ATP6V1H: variants seen among roughly 807,000 people sequenced by gnomAD.
ATP6V1H encodes V-type proton ATPase subunit H.
ATP6V1H carries 39 observed loss-of-function variants against 71.7 expected under a neutral mutation model. That is an observed-to-expected ratio of 0.54 (90% CI 0.42 to 0.71). The LOEUF is 0.71. Among genes scored for constraint, ATP6V1H ranks in the 30% least tolerant of loss-of-function variants. The pLI, the probability that ATP6V1H is intolerant of heterozygous loss-of-function variation, is 0.00. For synonymous variants in ATP6V1H, 192 were observed against 199.3 expected (o/e 0.96, Z 0.31); for missense variants, 509 against 594.9 (o/e 0.86, Z 1.50).
chr8:53,742,081 G>A (rs899606609), intron 13 of ATP6V1H, among the ~76,000 whole-genome samples: 9 of 151,470 alleles, frequency 5.9e-5, no homozygotes, highest in Non-Finnish European at 8.8e-5. Flanking sequence ...TCTTACAGGA[G>A]TCAAATTATA....
chr8:53,757,386 G>C (rs546627138), intron 11 of ATP6V1H, among the ~76,000 whole-genome samples: 1 of 152,276 alleles, frequency 6.6e-6, no homozygotes, highest in South Asian at 2.1e-4. Context: ...GAGTGAAAGG[G>C]GAGGGAGATG....
chr8:53,792,634 T>A (rs1378028081), intron 9 of ATP6V1H, among the ~76,000 whole-genome samples: 4 of 152,146 alleles, frequency 2.6e-5, no homozygotes, highest in Non-Finnish European at 5.9e-5. Context: ...AGCAGGGTGG[T>A]TAAGAGGACA....
In ATP6V1H at chr8:53,715,705, T is replaced by C; in HGVS notation, c.*259A>G. 1 of 352,372 alleles carries C rather than the reference T, an allele frequency of 2.8e-6. No homozygotes were observed. Among genetic ancestry groups the C allele is most frequent in the East Asian group, 4.3e-5 (1 of 23,382 alleles). The allele number at this position is 352,372 out of a possible 1,614,324, so 21.8% of individuals were successfully genotyped here. The stretch of plus-strand genomic sequence containing the variant: ...GAATCCTTTAATAACTATATTTATT[T>C]CCAGAGAACAATAAATACAGAAATT... On this transcript the variant is annotated 3_prime_UTR_variant, in exon 14 of 14. Transcript: ENST00000359530.
chr8:53,828,623 C>T (rs1223305153), intron 4 of ATP6V1H, among the ~76,000 whole-genome samples: 1 of 152,140 alleles, frequency 6.6e-6, no homozygotes, highest in Non-Finnish European at 1.5e-5. Flanking sequence ...TCCTTCCTCA[C>T]ATTATAAAAT....
At chr8:53,750,655 G>C (rs189982814) in intron 12 of ATP6V1H, among the ~76,000 whole-genome samples, 47 of 152,246 alleles carry the variant, frequency 3.1e-4, no homozygotes, top group African/African-American at 1.1e-3. Context: ...AAAGGTTACT[G>C]TTTGATGGAG....
chr8:53,738,950 C>T (rs376638760), intron 13 of ATP6V1H, among the ~76,000 whole-genome samples: 2 of 151,896 alleles, frequency 1.3e-5, no homozygotes, highest in African/African-American at 4.8e-5. Context: ...TTTAAAAATC[C>T]AGTTATATTT....
intron 5 of ATP6V1H, among the ~76,000 whole-genome samples, chr8:53,815,060 G>C (rs551749019): frequency 9.2e-5 from 14 of 152,046 alleles, no homozygotes; most frequent in Non-Finnish European, 2.1e-4. Context: ...TATATGACCA[G>C]CAAAAAACAG....
intron 9 of ATP6V1H, among the ~76,000 whole-genome samples, chr8:53,787,250 T>C (rs575886905): frequency 2.6e-5 from 4 of 152,286 alleles, no homozygotes; most frequent in South Asian, 2.1e-4. Context: ...CTAAGCAAGA[T>C]AGAAGTTAGG....
intron 13 of ATP6V1H, among the ~76,000 whole-genome samples, chr8:53,741,773 T>C (rs1807421257): frequency 6.6e-6 from 1 of 152,212 alleles, no homozygotes; most frequent in Non-Finnish European, 1.5e-5. Flanking sequence ...CCCATTCTTC[T>C]TGCACTGAAG....
chr8:53,716,459 G>C (rs1367475882), intron 13 of ATP6V1H, among the ~76,000 whole-genome samples: 2 of 152,192 alleles, frequency 1.3e-5, no homozygotes, highest in Non-Finnish European at 2.9e-5. Context: ...CAAATGTCCT[G>C]CTATTAGAGA....
chr8:53,821,088 A>G (rs1298223950), intron 4 of ATP6V1H, among the ~76,000 whole-genome samples: 1 of 150,564 alleles, frequency 6.6e-6, no homozygotes, highest in Non-Finnish European at 1.5e-5. Context: ...AAAGAGAGAG[A>G]GGCCAGGTGC....
intron 12 of ATP6V1H, among the ~76,000 whole-genome samples, chr8:53,750,800 G>A (rs545335658): frequency 6.6e-6 from 1 of 151,920 alleles, no homozygotes; most frequent in South Asian, 2.1e-4. Context: ...AATTTAATGT[G>A]AAAAATCCCA....
At chr8:53,807,665 T>C (rs1039738707) in intron 7 of ATP6V1H, among the ~76,000 whole-genome samples, 3 of 152,182 alleles carry the variant, frequency 2.0e-5, no homozygotes, top group Non-Finnish European at 4.4e-5. Flanking sequence ...TGGGGAAGAC[T>C]GTTAATGTGT....
At chr8:53,723,499 G>A (rs969785850) in intron 13 of ATP6V1H, among the ~76,000 whole-genome samples, 1 of 152,110 alleles carries the variant, frequency 6.6e-6, no homozygotes, top group African/African-American at 2.4e-5. Context: ...TTTACCCCTC[G>A]GTGGTTTTCC....
At chr8:53,743,438 TAA>T in intron 13 of ATP6V1H, 137 bp downstream of exon 13, 1 of 622,654 alleles carries the variant, frequency 1.6e-6, no homozygotes, top group Non-Finnish European at 2.8e-6. Context: ...TCTGAATTAC[TAA>T]AATATATTTC....
intron 12 of ATP6V1H, among the ~76,000 whole-genome samples, chr8:53,753,219 G>T (rs962801694): frequency 1.2e-4 from 18 of 152,056 alleles, no homozygotes; most frequent in African/African-American, 3.9e-4. Flanking sequence ...TCAGAATAAA[G>T]AATGACTATA....
intron 12 of ATP6V1H, among the ~76,000 whole-genome samples, chr8:53,750,407 A>G (rs1378166521): frequency 6.6e-6 from 1 of 152,222 alleles, no homozygotes; most frequent in African/African-American, 2.4e-5. Context: ...TGTGATATTC[A>G]GTACACTAAA....
rs558008103 is a variant in ATP6V1H, at chr8:53,775,276, A to G, written c.871-3109T>C. Among the ~76,000 whole-genome samples the G allele has an allele frequency of 6.6e-5, 10 of 152,282 alleles. No homozygotes were observed. In the South Asian group the frequency reaches 1.9e-3, roughly 28 times the overall value. ...CCTCCACGGTATTACAGCTCATAAA[A>G]CCAGTGTGGACCCAAAGAGTGAGCA... On this transcript the variant is annotated intron_variant, in intron 9 of 13. Transcript: ENST00000359530.
intron 9 of ATP6V1H, among the ~76,000 whole-genome samples, chr8:53,784,905 C>G (rs1426023746): frequency 3.3e-5 from 5 of 152,184 alleles, no homozygotes; most frequent in Admixed American, 1.3e-4. Flanking sequence ...GCCGAGAGAT[C>G]CACTGTTAGT....
Sources: allele counts gnomAD v4.1 joint callset (sites outside exome capture counted in the v4.1 genomes callset), GRCh38; gene constraint gnomAD v4.1.1; transcripts MANE v1.5; gene names NCBI Gene and HGNC (gene_info 2026-07-23, HGNC 2026-07-21).